Variants in NDST3 observed in about 807,000 individuals in gnomAD.
NDST3 encodes the protein N-deacetylase and N-sulfotransferase 3.
A neutral mutation model predicts 96.1 loss-of-function variants in NDST3; 58 were observed. The ratio of observed to expected loss-of-function variants is 0.60; its 90% CI spans 0.49 to 0.75. The LOEUF (loss-of-function observed/expected upper bound fraction) is 0.75, where lower values mean the gene tolerates loss of function less well. NDST3 is among the 30% of genes least tolerant of loss of function. The probability of loss-of-function intolerance (pLI) is 0.00; values close to 1 mark genes in which losing one functional copy is unlikely to be tolerated. For missense variants in NDST3, 788 were observed against 1,034.2 expected, an observed-to-expected ratio of 0.76 and a Z score of 3.27; for synonymous variants, 333 against 359.7, an observed-to-expected ratio of 0.93 and a Z score of 0.84.
At chr4:118,075,828 A>C (rs1727482991) in intron 2 of NDST3, among the ~76,000 whole-genome samples, 2 of 152,200 alleles carry the variant, frequency 1.3e-5, no homozygotes, top group South Asian at 2.1e-4. Flanking sequence ...GATTGCAAAA[A>C]TTTCCTCCCA....
intron 2 of NDST3, among the ~76,000 whole-genome samples, chr4:118,089,699 A>G (rs1274788967): frequency 6.6e-6 from 1 of 152,024 alleles, no homozygotes; most frequent in Non-Finnish European, 1.5e-5. Context: ...CCAATTATAC[A>G]TAAGATCTGG....
intron 6 of NDST3, among the ~76,000 whole-genome samples, chr4:118,146,145 T>C (rs1205745713): frequency 6.6e-6 from 1 of 152,196 alleles, no homozygotes; most frequent in African/African-American, 2.4e-5. Context: ...GCAGATGACA[T>C]TTTTTATTAG....
chr4:118,250,712 G>A (rs572056855), intron 12 of NDST3, among the ~76,000 whole-genome samples: 77 of 152,178 alleles, frequency 5.1e-4, no homozygotes, highest in Middle Eastern at 6.8e-3. Flanking sequence ...TTGAACTCCC[G>A]ACCTCAGCTG....
chr4:118,209,069 G>T (rs10213280), intron 6 of NDST3, among the ~76,000 whole-genome samples: 1 of 146,402 alleles, frequency 6.8e-6, no homozygotes, highest in Admixed American at 6.8e-5. Flanking sequence ...TCAATTTTCT[G>T]GAAAGTTTTT....
chr4:118,109,389 C>T (rs898403382), intron 3 of NDST3, among the ~76,000 whole-genome samples: 1 of 152,166 alleles, frequency 6.6e-6, no homozygotes, highest in Non-Finnish European at 1.5e-5. Flanking sequence ...CAAGAAAACA[C>T]TCCTGGCAAC....
chr4:118,043,248 C>A (rs933072662), intron 1 of NDST3, among the ~76,000 whole-genome samples: 2 of 152,114 alleles, frequency 1.3e-5, no homozygotes, highest in African/African-American at 4.8e-5. Context: ...TTTGTAACTT[C>A]AAAAGATAAG....
chr4:118,131,690 G>C (rs1291417979), intron 4 of NDST3, among the ~76,000 whole-genome samples: 2 of 151,996 alleles, frequency 1.3e-5, no homozygotes, highest in Admixed American at 6.6e-5. Flanking sequence ...GAATAGTTAG[G>C]TATTTACTAT....
At chr4:118,119,830 A>G (rs1731405153) in intron 4 of NDST3, among the ~76,000 whole-genome samples, 1 of 152,170 alleles carries the variant, frequency 6.6e-6, no homozygotes, top group African/African-American at 2.4e-5. Flanking sequence ...CTCAGGAACT[A>G]AAGGGGCCTG....
At chr4:118,098,858 T>A (rs1182961679) in intron 2 of NDST3, among the ~76,000 whole-genome samples, 1 of 152,234 alleles carries the variant, frequency 6.6e-6, no homozygotes, top group East Asian at 1.9e-4. Flanking sequence ...TTAGTGCTGA[T>A]TAACTCCAAA....
chr4:118,065,242 ACT>A (rs1726214748), intron 2 of NDST3, among the ~76,000 whole-genome samples: 1 of 151,946 alleles, frequency 6.6e-6, no homozygotes, highest in Non-Finnish European at 1.5e-5. Flanking sequence ...CCCGCAAGAA[ACT>A]CTGCTACTCT....
intron 6 of NDST3, among the ~76,000 whole-genome samples, chr4:118,211,821 G>T (rs1481659475): frequency 6.6e-6 from 1 of 152,122 alleles, no homozygotes; most frequent in Non-Finnish European, 1.5e-5. Context: ...CTCATAAACT[G>T]CCATGTACTA....
At chr4:118,211,235 T>C (rs1333418312) in intron 6 of NDST3, among the ~76,000 whole-genome samples, 1 of 152,150 alleles carries the variant, frequency 6.6e-6, no homozygotes, top group Non-Finnish European at 1.5e-5. Flanking sequence ...CCTAAGAGAT[T>C]AGGGAGGCCA....
rs1737502546 is a variant in NDST3 at position 118,194,070 on chromosome 4, G to C, written c.1540-30421G>C. 12 of 1,448,426 alleles carry C rather than the reference G, an allele frequency of 8.3e-6. No homozygotes were observed. The South Asian group carries it at 1.3e-4, about 15-fold the overall frequency. The allele number at this position is 1,448,426 out of a possible 1,614,324, so 89.7% of individuals were successfully genotyped here. ...TCATATTTCAGCTAGGCATTTGGTG[G>C]GATTTGGAACTTTTCCTTCCTAACA... is the stretch of plus-strand genomic sequence containing the variant. On this transcript the variant is annotated intron_variant, in intron 6 of 13. Transcript: ENST00000296499.
chr4:118,081,551 G>A (rs1728019240), intron 2 of NDST3, among the ~76,000 whole-genome samples: 2 of 152,024 alleles, frequency 1.3e-5, no homozygotes, highest in African/African-American at 4.8e-5. Context: ...GTAACAGGAG[G>A]GATTTCTTAC....
chr4:118,104,735 C>A (rs147516401), intron 2 of NDST3, among the ~76,000 whole-genome samples: 1 of 152,050 alleles, frequency 6.6e-6, no homozygotes, highest in African/African-American at 2.4e-5. Flanking sequence ...GATCGTAGTT[C>A]TTTTGATACC....
chr4:118,224,547 T>C lies in NDST3; in HGVS notation c.1596T>C (p.Tyr532=), dbSNP rs146632878. ...SNYGNDRLGL[Y]TFVNLANFVK... is the part of the protein sequence containing the mutation. ...ATGGGAATGACCGACTGGGATTATATACATTTGTTAATCTGGCCAACTTTG... is the reference window on the plus strand; with the variant it reads ...ATGGGAATGACCGACTGGGATTATACACATTTGTTAATCTGGCCAACTTTG... Residue 532 remains tyrosine, a synonymous_variant, in exon 7 of 14, where the codon TAT becomes TAC. Transcript: ENST00000296499. 4.5e-5 allele frequency: 73 copies of C among 1,612,888 alleles called. No homozygotes were observed. The African/African-American group carries it at 7.1e-4, about 16-fold the overall frequency.
intron 10 of NDST3, among the ~76,000 whole-genome samples, chr4:118,237,511 C>T (rs597881): frequency 0.84 from 127,068 of 152,076 alleles, 54,670 homozygotes; most frequent in South Asian, 0.95. Context: ...ATATCTATGC[C>T]TCTATATATC....
At chr4:118,040,867 T>TATATATATATATATATTTA (rs1491504425) in intron 1 of NDST3, among the ~76,000 whole-genome samples, 1 of 42,634 alleles carries the variant, frequency 2.3e-5, no homozygotes, top group African/African-American at 3.7e-5. Context: ...TTATATATTT[T>TATATATATATATATATTTA]TATATATATA....
chr4:118,237,130 A>G lies in NDST3; in HGVS notation c.2028A>G (p.Glu676=). 6.2e-7 allele frequency: 1 copy of G among 1,613,618 alleles called. No individual in the cohort carries two copies. The highest frequency in any genetic ancestry group is 1.3e-5 in the African/African-American group (1 of 75,042). The change falls in exon 10 of 14, where the codon GAA becomes GAG. Residue 676 remains glutamate, a synonymous_variant. Coordinates refer to ENST00000296499, the MANE Select transcript of NDST3 (RefSeq NM_004784.3). ...GTGCCAATTACTTCCACTCAGAGGAAGCCCCTAAAAGAGCTGCTTCTCTGG... is the reference window on the plus strand; with the variant it reads ...GTGCCAATTACTTCCACTCAGAGGAGGCCCCTAAAAGAGCTGCTTCTCTGG... ...EKSANYFHSE[E]APKRAASLVP... is the part of the protein sequence containing the mutation.
Sources: allele counts gnomAD v4.1 joint callset (sites outside exome capture counted in the v4.1 genomes callset), GRCh38; gene constraint gnomAD v4.1.1; transcripts MANE v1.5; gene names NCBI Gene and HGNC (gene_info 2026-07-23, HGNC 2026-07-21).